CPNE4: variants seen among roughly 807,000 people sequenced by gnomAD.
The protein encoded by CPNE4 is copine-4.
A neutral mutation model predicts 67.9 loss-of-function variants in CPNE4; 25 were observed. The observed-to-expected ratio is 0.37, with a 90% confidence interval of 0.27 to 0.51. CPNE4 has a LOEUF of 0.51. Ranked by LOEUF, CPNE4 falls within the 20% of genes least tolerant of loss-of-function variation. The pLI is 0.93. For synonymous variants in CPNE4, 242 were observed against 244.9 expected, an observed-to-expected ratio of 0.99 and a Z score of 0.11; for missense variants, 464 against 690.8, an observed-to-expected ratio of 0.67 and a Z score of 3.68.
In CPNE4 at chr3:131,723,644, A is replaced by G. The variant is rs762504039; in HGVS notation, c.181-19T>C. The G allele has an allele frequency of 6.1e-5, 98 of 1,597,978 alleles. No individual in the cohort carries two copies. Among genetic ancestry groups the G allele is most frequent in the Non-Finnish European group, 7.9e-5 (92 of 1,168,198 alleles). ...TGTCAACCTGCAAGGAGAAAGAGAA[A>G]ACCTATCAGAGATAAGGATTATTTT... On this transcript the variant is annotated intron_variant, in intron 2 of 15. Transcript: ENST00000429747.
chr3:132,038,533 T>A (rs545678079), upstream of CPNE4, among the ~76,000 whole-genome samples: 1 of 152,198 alleles, frequency 6.6e-6, no homozygotes, highest in Admixed American at 6.5e-5. Context: ...ATGAGTGATG[T>A]TATAAAGGCC....
intron 2 of CPNE4, among the ~76,000 whole-genome samples, chr3:131,784,193 C>T (rs2107861726): frequency 6.6e-6 from 1 of 152,072 alleles, no homozygotes; most frequent in South Asian, 2.1e-4. Context: ...GACCAATAAG[C>T]CTCCCTGCTT....
chr3:131,985,861 T>C (rs1325517034), intron 1 of CPNE4: 2 of 154,102 alleles, frequency 1.3e-5, no homozygotes, highest in African/African-American at 4.8e-5. Context: ...TGTCTGGTCT[T>C]GTTTAGGCCA....
chr3:131,855,738 G>A (rs2086418361), intron 2 of CPNE4, among the ~76,000 whole-genome samples: 1 of 151,718 alleles, frequency 6.6e-6, no homozygotes, highest in South Asian at 2.1e-4. Context: ...TGAAAATACA[G>A]TCATTTAATT....
intron 3 of CPNE4, among the ~76,000 whole-genome samples, chr3:131,717,693 T>C (rs1665974492): frequency 6.6e-6 from 1 of 152,208 alleles, no homozygotes; most frequent in Admixed American, 6.5e-5. Flanking sequence ...ATTCTGCTCT[T>C]GGACAGGCTC....
At chr3:131,730,319 T>C (rs185996761) in intron 2 of CPNE4, among the ~76,000 whole-genome samples, 30 of 152,316 alleles carry the variant, frequency 2.0e-4, no homozygotes, top group African/African-American at 7.2e-4. Flanking sequence ...TAACACTGAT[T>C]TATAATTTTA....
At chr3:131,895,563 T>A (rs369978854) in intron 2 of CPNE4, among the ~76,000 whole-genome samples, 9 of 150,666 alleles carry the variant, frequency 6.0e-5, no homozygotes, top group African/African-American at 1.5e-4. Flanking sequence ...GTTAATTTTA[T>A]TTTTTTTGTT....
intron 1 of CPNE4, among the ~76,000 whole-genome samples, chr3:131,915,705 T>G (rs2089156258): frequency 6.6e-6 from 1 of 152,202 alleles, no homozygotes. Flanking sequence ...AATCATTTCC[T>G]GAACTTTATA....
intron 7 of CPNE4, among the ~76,000 whole-genome samples, chr3:131,640,892 A>G (rs2079523714): frequency 6.6e-6 from 1 of 152,202 alleles, no homozygotes; most frequent in South Asian, 2.1e-4. Context: ...CCTTTGACAA[A>G]GCAAACAAAA....
chr3:131,554,260 C>T (rs1271476665), intron 12 of CPNE4, among the ~76,000 whole-genome samples: 1 of 152,066 alleles, frequency 6.6e-6, no homozygotes, highest in East Asian at 1.9e-4. Context: ...TCAGCTCCAG[C>T]TTATTCTTGT....
intron 9 of CPNE4, among the ~76,000 whole-genome samples, chr3:131,578,194 G>A (rs903831255): frequency 1.3e-5 from 2 of 152,116 alleles, no homozygotes; most frequent in African/African-American, 4.8e-5. Context: ...CTTTGTGTCT[G>A]TCACATTTTG....
intron 15 of CPNE4, among the ~76,000 whole-genome samples, chr3:131,539,971 G>T (rs1256522917): frequency 6.6e-6 from 1 of 152,174 alleles, no homozygotes; most frequent in Non-Finnish European, 1.5e-5. Flanking sequence ...CGTCTGTAAA[G>T]AATACTACTT....
chr3:131,654,204 A>G (rs2079889748), intron 7 of CPNE4, among the ~76,000 whole-genome samples: 1 of 151,192 alleles, frequency 6.6e-6, no homozygotes, highest in South Asian at 2.1e-4. Flanking sequence ...TTATACATTT[A>G]TTTTTTTCCC....
At chr3:131,550,673 C>T (rs1221276981) in intron 13 of CPNE4, among the ~76,000 whole-genome samples, 1 of 152,024 alleles carries the variant, frequency 6.6e-6, no homozygotes, top group Admixed American at 6.6e-5. Flanking sequence ...TTTGTATTTC[C>T]CCAAAGAGCT....
intron 2 of CPNE4, among the ~76,000 whole-genome samples, chr3:131,799,957 A>G (rs2084044032): frequency 1.5e-5 from 2 of 130,250 alleles, no homozygotes; most frequent in South Asian, 4.9e-4. Context: ...GTGTGTGTGT[A>G]TTTCATACAT....
At position 131,834,477 on chromosome 3, in the gene CPNE4, ATTC is replaced by A. The variant is rs550831332; in HGVS notation, c.180+70784_180+70786del. On this transcript the variant is annotated intron_variant, in intron 2 of 15. Coordinates refer to ENST00000429747, the MANE Select transcript of CPNE4 (RefSeq NM_130808.3). ...GCTTAAAGCTGTGGGTGGTGAAGAA[ATTC>A]TTCTTTGAAGAAAAAGCGTATTCAT... 4.2e-3 allele frequency among the ~76,000 whole-genome samples: 647 copies of A among 152,298 alleles called. 2 individuals carry two copies. Among genetic ancestry groups the A allele is most frequent in the Middle Eastern group, 0.017 (5 of 294 alleles).
intron 7 of CPNE4, among the ~76,000 whole-genome samples, chr3:131,615,879 C>T (rs974056203): frequency 3.5e-5 from 5 of 144,726 alleles, no homozygotes; most frequent in African/African-American, 1.3e-4. Flanking sequence ...AGCAAAACCC[C>T]ATCTCTCTCT....
At chr3:131,879,758 A>G (rs548010286) in intron 2 of CPNE4, among the ~76,000 whole-genome samples, 1 of 152,288 alleles carries the variant, frequency 6.6e-6, no homozygotes, top group South Asian at 2.1e-4. Context: ...ACTAAGAACC[A>G]TTTGTCATTA....
intron 2 of CPNE4, among the ~76,000 whole-genome samples, chr3:131,789,247 A>G (rs371628998): frequency 1.3e-5 from 2 of 152,132 alleles, no homozygotes; most frequent in East Asian, 1.9e-4. Flanking sequence ...GGAACTGCAC[A>G]TGTTTGAATC....
Sources: gnomAD v4.1 joint callset for allele counts (sites outside exome capture counted in the v4.1 genomes callset) on GRCh38, gnomAD v4.1.1 for gene constraint, MANE v1.5 for transcripts, NCBI Gene and HGNC (gene_info 2026-07-23, HGNC 2026-07-21) for gene names.